Variants in GLI3 observed in about 807,000 individuals in gnomAD.
GLI3 encodes transcription activator GLI3.
GLI3 carries 20 observed loss-of-function variants against 100.8 expected under a neutral mutation model. The ratio of observed to expected loss-of-function variants is 0.20; its 90% confidence interval spans 0.14 to 0.29. The LOEUF (loss-of-function observed/expected upper bound fraction) is 0.29. Among genes scored for constraint, GLI3 ranks in the 10% least tolerant of loss-of-function variants. The pLI is 1.00. For synonymous variants in GLI3, 938 were observed against 860.5 expected (o/e 1.09, Z -1.58); for missense variants, 2,040 against 2,128.5 (o/e 0.96, Z 0.82).
intron 2 of GLI3, among the ~76,000 whole-genome samples, chr7:42,157,937 T>A (rs899479764): frequency 8.5e-5 from 13 of 152,216 alleles, no homozygotes; most frequent in Non-Finnish European, 1.6e-4. Flanking sequence ...AAGATTTTGA[T>A]AAATTAGCCT....
chr7:42,195,537 C>A (rs1787911849), intron 2 of GLI3, among the ~76,000 whole-genome samples: 1 of 152,258 alleles, frequency 6.6e-6, no homozygotes, highest in Middle Eastern at 3.4e-3. Flanking sequence ...GCTTGCATAC[C>A]TCTTCTTCCA....
intron 3 of GLI3, among the ~76,000 whole-genome samples, chr7:42,145,148 T>C (rs918537588): frequency 1.3e-5 from 2 of 152,214 alleles, no homozygotes; most frequent in Non-Finnish European, 2.9e-5. Context: ...ATTAAATCCA[T>C]GTGAGCAGAT....
intron 10 of GLI3, among the ~76,000 whole-genome samples, chr7:41,987,551 C>T (rs1037791432): frequency 3.9e-5 from 6 of 152,308 alleles, no homozygotes; most frequent in Admixed American, 1.3e-4. Flanking sequence ...ACATAAATGA[C>T]GACTTCTCTG....
rs149901929 is a variant in GLI3 at position 42,048,669 on chromosome 7, C to T, written c.501G>A (p.Thr167=). Residue 167 remains threonine, a synonymous_variant, in exon 5 of 15, where the codon ACG becomes ACA. Coordinates refer to ENST00000395925, the MANE Select transcript of GLI3 (RefSeq NM_000168.6). The stretch of plus-strand genomic sequence containing the variant: ...TCCTAATGAAGGGCAGGTCCGGATA[C>T]GTAGGGCTACTAGATAAGGCGGAAG... ...HMTSALSSSP[T]YPDLPFIRIS... is the part of the protein sequence containing the mutation. The T allele has an allele frequency of 1.5e-4, 234 of 1,609,452 alleles. No individual in the cohort carries two copies. In the African/African-American group the frequency reaches 2.8e-3, roughly 20 times the overall value.
intron 5 of GLI3, among the ~76,000 whole-genome samples, chr7:42,046,665 G>C (rs543386331): frequency 6.6e-6 from 1 of 152,254 alleles, no homozygotes; most frequent in African/African-American, 2.4e-5. Flanking sequence ...CTTTCCACTA[G>C]CCCGAATAAA....
At chr7:42,085,418 T>C (rs1785083367) in intron 3 of GLI3, among the ~76,000 whole-genome samples, 1 of 152,190 alleles carries the variant, frequency 6.6e-6, no homozygotes, top group Non-Finnish European at 1.5e-5. Context: ...GTATATATCT[T>C]CTTAAGGAAT....
At chr7:42,205,230 C>G (rs933775403) in intron 2 of GLI3, among the ~76,000 whole-genome samples, 10 of 152,132 alleles carry the variant, frequency 6.6e-5, no homozygotes, top group African/African-American at 2.4e-4. Flanking sequence ...GAACTGAGAC[C>G]ACATCCTACA....
chr7:42,258,083 T>C (rs946298301), intron 1 of GLI3, among the ~76,000 whole-genome samples: 1 of 152,238 alleles, frequency 6.6e-6, no homozygotes, highest in Non-Finnish European at 1.5e-5. Flanking sequence ...ACCTGCTATA[T>C]ATACTATGTA....
At chr7:42,155,353 C>T (rs1011376436) in intron 2 of GLI3, among the ~76,000 whole-genome samples, 1 of 151,682 alleles carries the variant, frequency 6.6e-6, no homozygotes, top group East Asian at 1.9e-4. Context: ...GCAGGAGAAT[C>T]GCTTGAACCC....
In GLI3 at chr7:41,973,316, G is replaced by C. The variant is rs147572955; in HGVS notation, c.1813-689C>G. 4.9e-3 allele frequency among the ~76,000 whole-genome samples: 744 copies of C among 152,312 alleles called. 6 individuals carry two copies. The highest frequency in any genetic ancestry group is 0.016 in the African/African-American group (683 of 41,570). ...TGTCCATGAATCCTCATCATAAACT[G>C]CAGAGGGCTGACGGATGTTCTGGGG... On this transcript the variant is annotated intron_variant, in intron 12 of 14. Coordinates refer to ENST00000395925, the MANE Select transcript of GLI3 (RefSeq NM_000168.6).
At chr7:42,223,336 G>T in intron 1 of GLI3, 41 bp from the exon 2 acceptor site, 13 of 844,978 alleles carry the variant, frequency 1.5e-5, no homozygotes, top group Admixed American at 2.4e-5. Context: ...CAAAATGGTG[G>T]AAAAAAAAAA....
chr7:42,206,619 G>GA (rs1258453714), intron 2 of GLI3, among the ~76,000 whole-genome samples: 1 of 152,002 alleles, frequency 6.6e-6, no homozygotes, highest in South Asian at 2.1e-4. Context: ...TCAGCTAGAA[G>GA]AAAAAATCGA....
chr7:42,112,373 C>T (rs1378961196), intron 3 of GLI3, among the ~76,000 whole-genome samples: 1 of 152,130 alleles, frequency 6.6e-6, no homozygotes, highest in East Asian at 1.9e-4. Context: ...GGAGCAAAAA[C>T]ACAGCTAGAT....
intron 3 of GLI3, among the ~76,000 whole-genome samples, chr7:42,091,675 G>A (rs1190784986): frequency 6.6e-6 from 1 of 152,152 alleles, no homozygotes; most frequent in Admixed American, 6.5e-5. Flanking sequence ...TTCTCCCCTC[G>A]TGGCTGCTAC....
At chr7:42,207,061 C>T (rs1279523263) in intron 2 of GLI3, among the ~76,000 whole-genome samples, 1 of 152,166 alleles carries the variant, frequency 6.6e-6, no homozygotes, top group Non-Finnish European at 1.5e-5. Flanking sequence ...CAAGTGTTGA[C>T]ACGAATGAGA....
chr7:42,253,104 C>G (rs142441160), intron 1 of GLI3, among the ~76,000 whole-genome samples: 4 of 152,184 alleles, frequency 2.6e-5, no homozygotes. Context: ...TTAGGGCAGA[C>G]GCCTTGTAGC....
chr7:41,995,543 C>G (rs1295789769), intron 10 of GLI3, among the ~76,000 whole-genome samples: 1 of 152,088 alleles, frequency 6.6e-6, no homozygotes, highest in Non-Finnish European at 1.5e-5. Flanking sequence ...TAGATAAGAA[C>G]AAAATTCAGG....
At chr7:42,217,957 G>C (rs1788410069) in intron 2 of GLI3, among the ~76,000 whole-genome samples, 1 of 152,160 alleles carries the variant, frequency 6.6e-6, no homozygotes, top group South Asian at 2.1e-4. Flanking sequence ...TGTGAAGTAG[G>C]TCTTACTATT....
chr7:42,182,656 A>ATATATATATATATATACATGTGTG (rs1554337009), intron 2 of GLI3, among the ~76,000 whole-genome samples: 54 of 53,674 alleles, frequency 1.0e-3, no homozygotes, highest in African/African-American at 5.2e-3. Flanking sequence ...ATATATATAT[A>ATATATATATATATATACATGTGTG]TATATATATA....
Sources: gnomAD v4.1 joint callset for allele counts (sites outside exome capture counted in the v4.1 genomes callset) on GRCh38, gnomAD v4.1.1 for gene constraint, MANE v1.5 for transcripts, NCBI Gene and HGNC (gene_info 2026-07-23, HGNC 2026-07-21) for gene names.